Variants in HOXD3 observed in about 807,000 individuals in gnomAD.
HOXD3 encodes homeobox D3, also known as homeobox protein Hox-D3.
In HOXD3, 13 loss-of-function variants were observed where a neutral mutation model predicts 32.8. That is an observed-to-expected ratio of 0.40 (90% CI 0.26 to 0.63). HOXD3 has a LOEUF of 0.63. Among genes scored for constraint, HOXD3 ranks in the 20% least tolerant of loss-of-function variants. The pLI is 0.44. For synonymous variants in HOXD3, 241 were observed against 246.8 expected (o/e 0.98, Z 0.22); for missense variants, 504 against 577.1 (o/e 0.87, Z 1.30).
chr2:176,168,020 A>G (rs772462164), intron 2 of HOXD3, among the ~76,000 whole-genome samples: 7 of 152,158 alleles, frequency 4.6e-5, no homozygotes, highest in Non-Finnish European at 8.8e-5. Context: ...TTGTATCTGG[A>G]GGTAGAGGGA....
intron 1 of HOXD3, among the ~76,000 whole-genome samples, chr2:176,163,253 G>T (rs918782469): frequency 6.6e-6 from 1 of 152,130 alleles, no homozygotes; most frequent in African/African-American, 2.4e-5. Flanking sequence ...AGGCTTTCCC[G>T]GGTGTAGTTT....
chr2:176,171,885 A>G lies in HOXD3; in HGVS notation c.910A>G (p.Lys304Glu), dbSNP rs774077828. Residue 304 changes from lysine (K) to glutamate (E), a missense_variant, in exon 4 of 4, where the codon AAA (lysine) becomes GAA (glutamate). This residue lies in a region of HOXD3 where 226 missense variants were observed against 246.9 expected (regional missense o/e 0.92). Transcript: ENST00000683222. ...YDAPSPPAFA[K>E]SQPNMYGLAA... is the part of the protein sequence containing the mutation. The stretch of plus-strand genomic sequence containing the variant: ...CGCGCCCTCGCCGCCTGCTTTCGCC[A>G]AATCACAGCCCAATATGTACGGCCT... 6.2e-7 allele frequency: 1 copy of G among 1,604,544 alleles called. No individual in the cohort carries two copies. Among genetic ancestry groups the G allele is most frequent in the Admixed American group, 1.7e-5 (1 of 58,828 alleles).
At chr2:176,160,223 G>C (rs1459432721) in intron 1 of HOXD3, among the ~76,000 whole-genome samples, 1 of 152,198 alleles carries the variant, frequency 6.6e-6, no homozygotes. Flanking sequence ...GTACTCCGCG[G>C]GCCCGGGAAG....
chr2:176,171,694 T>G lies in HOXD3; in HGVS notation c.719T>G (p.Ile240Ser), dbSNP rs1307672919. The G allele has an allele frequency of 1.2e-6, 2 of 1,613,986 alleles. No individual in the cohort carries two copies. Among genetic ancestry groups the G allele is most frequent in the Non-Finnish European group, 8.5e-7 (1 of 1,180,030 alleles). Residue 240 changes from isoleucine to serine, a missense_variant, in exon 4 of 4, where the codon ATC (isoleucine) becomes AGC (serine). This residue lies in a region of HOXD3 where 97 missense variants were observed against 158.0 expected (regional missense o/e 0.61). Coordinates refer to ENST00000683222, the MANE Select transcript of HOXD3 (RefSeq NM_006898.5). ...AATCTCACGGAACGCCAGATCAAGATCTGGTTCCAGAACCGGCGCATGAAG... is the reference window on the plus strand; with the variant it reads ...AATCTCACGGAACGCCAGATCAAGAGCTGGTTCCAGAACCGGCGCATGAAG... The part of the protein sequence containing the change: ...LLNLTERQIK[I>S]WFQNRRMKYK...
chr2:176,170,966 C>T (rs2105454898), intron 3 of HOXD3, among the ~76,000 whole-genome samples: 1 of 151,906 alleles, frequency 6.6e-6, no homozygotes, highest in African/African-American at 2.4e-5. Context: ...ACCTCCCTGG[C>T]TTTGAGTGCA....
At chr2:176,158,368 A>T (rs1690694768) in intron 1 of HOXD3, among the ~76,000 whole-genome samples, 1 of 151,818 alleles carries the variant, frequency 6.6e-6, no homozygotes, top group South Asian at 2.1e-4. Flanking sequence ...CCTAAGAGCC[A>T]CTCCGCTCCG....
At position 176,168,261 on chromosome 2, in the gene HOXD3, C is replaced by CAAAAAAA. The variant is rs34436368; in HGVS notation, c.-84-757_-84-751dup. 1.1e-4 allele frequency among the ~76,000 whole-genome samples: 11 copies of CAAAAAAA among 103,336 alleles called. 1 individual carries two copies. The highest frequency in any genetic ancestry group is 1.5e-4 in the African/African-American group (4 of 26,654). 67.8% of individuals were successfully genotyped at this position (103,336 alleles called of 152,430 possible). A position where few individuals can be genotyped will look rare whatever the true frequency, so the allele number is the denominator to read the frequency against. On this transcript the variant is annotated intron_variant, in intron 2 of 3. Transcript: ENST00000683222. ...GCAACATTGTAAGACCCTGTCTCTA[C>CAAAAAAA]AAAAAAAAAAAAAAAAAAACTAAGA...
chr2:176,165,981 C>A (rs556933521), intron 2 of HOXD3, among the ~76,000 whole-genome samples: 17 of 152,198 alleles, frequency 1.1e-4, no homozygotes, highest in Middle Eastern at 3.4e-3. Context: ...AGTTTTGTAA[C>A]TATATTCTCA....
chr2:176,164,982 C>T (rs1286864731), intron 2 of HOXD3: 1 of 152,234 alleles, frequency 6.6e-6, no homozygotes, highest in South Asian at 2.1e-4. Flanking sequence ...AGGCTGCGCG[C>T]GTTCGTCCCG....
chr2:176,171,708 C>A lies in HOXD3; in HGVS notation c.733C>A (p.Arg245=). The A allele has an allele frequency of 1.2e-6, 2 of 1,614,118 alleles. No individual in the cohort carries two copies. The highest frequency in any genetic ancestry group is 2.2e-5 in the East Asian group (1 of 44,870). The stretch of plus-strand genomic sequence containing the variant: ...CCAGATCAAGATCTGGTTCCAGAAC[C>A]GGCGCATGAAGTACAAGAAGGACCA... ...ERQIKIWFQN[R]RMKYKKDQKA... Residue 245 remains arginine (R), a synonymous_variant, in exon 4 of 4, where the codon CGG becomes AGG. Coordinates refer to ENST00000683222, the MANE Select transcript of HOXD3 (RefSeq NM_006898.5).
chr2:176,171,668 G>A lies in HOXD3; in HGVS notation c.693G>A (p.Leu231=). Residue 231 remains leucine (L), a synonymous_variant, in exon 4 of 4, where the codon CTG becomes CTA. Coordinates refer to ENST00000683222, the MANE Select transcript of HOXD3 (RefSeq NM_006898.5). ...GCCGCGTGGAGATGGCCAACCTGCT[G>A]AATCTCACGGAACGCCAGATCAAGA... ...RPRRVEMANL[L]NLTERQIKIW... The A allele has an allele frequency of 6.2e-7, 1 of 1,614,206 alleles. No individual in the cohort carries two copies. The highest frequency in any genetic ancestry group is 8.5e-7 in the Non-Finnish European group (1 of 1,180,048).
chr2:176,171,553 C>T lies in HOXD3; in HGVS notation c.578C>T (p.Ala193Val). The T allele has an allele frequency of 6.2e-7, 1 of 1,603,732 alleles. No individual in the cohort carries two copies. Among genetic ancestry groups the T allele is most frequent in the East Asian group, 2.2e-5 (1 of 44,804 alleles). Residue 193 changes from alanine to valine, a missense_variant, in exon 4 of 4, where the codon GCA becomes GTA. Ala to Val is a moderately conservative substitution (Grantham distance 64). Transcript: ENST00000683222. Reference sequence around the variant, plus strand: ...GAGGACAAGAGCCCGCCAGGCCCAGCATCCAAGCGGGTACGCACGGCATAC... The same window carrying T: ...GAGGACAAGAGCCCGCCAGGCCCAGTATCCAAGCGGGTACGCACGGCATAC... ...SCEDKSPPGPASKRVRTAYTS... is the reference protein window; with the variant it reads ...SCEDKSPPGPVSKRVRTAYTS...
In HOXD3 at chr2:176,172,355, G is replaced by C; in HGVS notation, c.*81G>C. 5 of 1,351,806 alleles carry C rather than the reference G, an allele frequency of 3.7e-6. No individual in the cohort carries two copies. The highest frequency in any genetic ancestry group is 4.0e-6 in the Non-Finnish European group (4 of 1,006,542). The allele number at this position is 1,351,806 out of a possible 1,614,324, so 83.7% of individuals were successfully genotyped here. A position where few individuals can be genotyped will look rare whatever the true frequency, so the allele number is the denominator to read the frequency against. On this transcript the variant is annotated 3_prime_UTR_variant, in exon 4 of 4. Coordinates refer to ENST00000683222, the MANE Select transcript of HOXD3 (RefSeq NM_006898.5). The stretch of plus-strand genomic sequence containing the variant: ...GGTAGAGGGTGGGGCCCGCGGGGCA[G>C]TTCGGGAACCCCCTTCCCCGCTCTT...
rs1381015437 is a variant in HOXD3, at chr2:176,169,141, C to T, written c.27C>T (p.Ala9=). 4 of 1,612,884 alleles carry T rather than the reference C, an allele frequency of 2.5e-6. No homozygotes were observed. Among genetic ancestry groups the T allele is most frequent in the Middle Eastern group, 1.7e-4 (1 of 6,054 alleles). Residue 9 remains alanine, a synonymous_variant, in exon 3 of 4, where the codon GCC becomes GCT. Transcript: ENST00000683222. MLFEQGQQ[A]LELPECTMQK... ...TGTTATTTGAGCAGGGTCAGCAGGC[C>T]CTGGAGCTTCCTGAGTGCACAATGC...
chr2:176,154,970 T>A (rs1369359367), upstream of HOXD3, among the ~76,000 whole-genome samples: 2 of 152,198 alleles, frequency 1.3e-5, no homozygotes, highest in Admixed American at 1.3e-4. Context: ...AATTACAGAA[T>A]CAGGTTCATC....
rs192819091 is a variant in HOXD3 at position 176,166,526 on chromosome 2, T to C, written c.-85+2358T>C. Reference sequence around the variant, plus strand: ...CATAACCAAATCCAGAGTGCCTCTTTCTTCAGCAGGGGGCAAACATATGTA... The same window carrying C: ...CATAACCAAATCCAGAGTGCCTCTTCCTTCAGCAGGGGGCAAACATATGTA... On this transcript the variant is annotated intron_variant, in intron 2 of 3. Coordinates refer to ENST00000683222, the MANE Select transcript of HOXD3 (RefSeq NM_006898.5). 2.3e-3 allele frequency among the ~76,000 whole-genome samples: 354 copies of C among 152,352 alleles called. 2 individuals are homozygous for C. Among genetic ancestry groups the C allele is most frequent in the Non-Finnish European group, 3.9e-3 (263 of 68,032 alleles).
chr2:176,171,418 G>A (rs1574988673), intron 3 of HOXD3, 99 bp from the exon 4 acceptor site: 3 of 1,094,326 alleles, frequency 2.7e-6, no homozygotes, highest in Non-Finnish European at 3.8e-6. Flanking sequence ...GGAGGTGGGG[G>A]GAGGGAGGAG....
chr2:176,171,550 C>G lies in HOXD3; in HGVS notation c.575C>G (p.Pro192Arg), dbSNP rs1361271550. Reference sequence around the variant, plus strand: ...TGCGAGGACAAGAGCCCGCCAGGCCCAGCATCCAAGCGGGTACGCACGGCA... The same window carrying G: ...TGCGAGGACAAGAGCCCGCCAGGCCGAGCATCCAAGCGGGTACGCACGGCA... ...ESCEDKSPPG[P>R]ASKRVRTAYT... Residue 192 changes from proline (P) to arginine (R), a missense_variant, in exon 4 of 4, where the codon CCA (proline) becomes CGA (arginine). Pro to Arg is a moderately radical substitution (Grantham distance 103). This residue lies in a region of HOXD3 where 97 missense variants were observed against 158.0 expected (regional missense o/e 0.61). Coordinates refer to ENST00000683222, the MANE Select transcript of HOXD3 (RefSeq NM_006898.5). 1 of 1,602,354 alleles carries G rather than the reference C, an allele frequency of 6.2e-7. No homozygotes were observed. The highest frequency in any genetic ancestry group is 2.2e-5 in the East Asian group (1 of 44,798).
intron 3 of HOXD3, 150 bp downstream of exon 3, chr2:176,169,805 G>C (rs778928228): frequency 1.1e-5 from 11 of 984,236 alleles, no homozygotes; most frequent in African/African-American, 1.6e-5. Flanking sequence ...TTCCTGATTG[G>C]GGTCATGACC....
Sources: allele counts gnomAD v4.1 joint callset (sites outside exome capture counted in the v4.1 genomes callset), GRCh38; gene constraint gnomAD v4.1.1; regional missense constraint gnomAD v4.1.1; transcripts MANE v1.5; gene names NCBI Gene and HGNC (gene_info 2026-07-23, HGNC 2026-07-21).